BOK: variants seen among roughly 807,000 people sequenced by gnomAD.
BOK encodes BCL2 family apoptosis regulator BOK.
A neutral mutation model predicts 18.3 loss-of-function variants in BOK; 20 were observed. That is an observed-to-expected ratio of 1.09 (90% CI 0.77 to 1.59). The LOEUF (loss-of-function observed/expected upper bound fraction) is 1.59, where lower values mean the gene tolerates loss of function less well. Ranked by LOEUF, BOK falls within the 40% of genes most tolerant of loss-of-function variation. The pLI is 0.00. For synonymous variants in BOK, 173 were observed against 142.4 expected, an observed-to-expected ratio of 1.21 and a Z score of -1.53; for missense variants, 348 against 307.9, an observed-to-expected ratio of 1.13 and a Z score of -0.97.
At chr2:241,570,027 G>T (rs567506451) in intron 3 of BOK, 98 bp from the exon 4 acceptor site, 2 of 1,405,614 alleles carry the variant, frequency 1.4e-6, no homozygotes, top group South Asian at 1.4e-5. Flanking sequence ...TTAGCTGGAC[G>T]GCAAGCAGGA....
rs1000052399 is a variant in BOK, at chr2:241,562,743, C to T, written c.349+267C>T. Among the ~76,000 whole-genome samples the T allele has an allele frequency of 2.6e-5, 4 of 152,186 alleles. No individual in the cohort carries two copies. The highest frequency in any genetic ancestry group is 9.7e-5 in the African/African-American group (4 of 41,426). ...TTCTTGATTGGTTGTAGTTGTGGTC[C>T]AGCATCCGTGGGGCCGCGTGACCTG... On this transcript the variant is annotated intron_variant, in intron 3 of 4. Coordinates refer to ENST00000318407, the MANE Select transcript of BOK (RefSeq NM_032515.5). The surrounding 1 kb of genome is among the most constrained non-coding windows in gnomAD (Gnocchi z 4.5).
At chr2:241,566,302 C>CTT (rs369940899) in intron 3 of BOK, among the ~76,000 whole-genome samples, 11,464 of 140,974 alleles carry the variant, frequency 0.081, 923 homozygotes, top group African/African-American at 0.2. Flanking sequence ...TTTCTTTTTT[C>CTT]TTTTTTTTTT....
At chr2:241,552,562 C>T (rs1008622463) in intron 1 of BOK, among the ~76,000 whole-genome samples, 5 of 152,216 alleles carry the variant, frequency 3.3e-5, no homozygotes, top group Admixed American at 1.3e-4. Flanking sequence ...CCCACCTATG[C>T]CTGAGGCTGC....
chr2:241,571,680 C>T (rs759171142), intron 4 of BOK, among the ~76,000 whole-genome samples: 5 of 152,218 alleles, frequency 3.3e-5, no homozygotes, highest in African/African-American at 4.8e-5. Context: ...CTTTGAGCAA[C>T]GCCAAGGCCA....
chr2:241,565,316 G>A (rs561876986), intron 3 of BOK, among the ~76,000 whole-genome samples: 1 of 151,832 alleles, frequency 6.6e-6, no homozygotes, highest in Admixed American at 6.6e-5. Context: ...TGAAGCCCAA[G>A]AGCCTCGTGA....
rs759186943 is a variant in BOK at position 241,570,131 on chromosome 2, C to T, written c.356C>T (p.Thr119Met). 34 of 1,611,044 alleles carry T rather than the reference C, an allele frequency of 2.1e-5. No homozygotes were observed. Among genetic ancestry groups the T allele is most frequent in the African/African-American group, 2.7e-5 (2 of 74,816 alleles). The change falls in exon 4 of 5, where the codon ACG becomes ATG. Residue 119 changes from threonine (T) to methionine (M), a missense_variant. Physicochemically the swap from Thr to Met is moderately conservative, Grantham distance 81. Transcript: ENST00000318407. ...VAGHIFSAGI[T>M]WGKVVSLYAV... ...ACCATCTCTCTCCCTGCAGGCATCA[C>T]GTGGGGCAAGGTGGTGTCCCTGTAT...
At chr2:241,568,121 T>C (rs2066644344) in intron 3 of BOK, among the ~76,000 whole-genome samples, 1 of 152,164 alleles carries the variant, frequency 6.6e-6, no homozygotes, top group South Asian at 2.1e-4. Context: ...CCATGCCTTC[T>C]TTTATTTATT....
rs560761261 is a variant in BOK at position 241,560,244 on chromosome 2, G to T, written c.220+541G>T. On this transcript the variant is annotated intron_variant, in intron 2 of 4. Coordinates refer to ENST00000318407, the MANE Select transcript of BOK (RefSeq NM_032515.5). ...TTCTGGGGTCACACACGGTCCACTG[G>T]CTGCCCCCACCGTCTCCAAGGTCTG... The T allele has an allele frequency of 4.5e-5, 44 of 985,446 alleles. No homozygotes were observed. The African/African-American group carries it at 7.3e-4, about 16-fold the overall frequency. The allele number at this position is 985,446 out of a possible 1,614,324, so 61.0% of individuals were successfully genotyped here. A position where few individuals can be genotyped will look rare whatever the true frequency, so the allele number is the denominator to read the frequency against.
At chr2:241,571,931 T>TG (rs937336794) in intron 4 of BOK, among the ~76,000 whole-genome samples, 4 of 152,154 alleles carry the variant, frequency 2.6e-5, no homozygotes, top group African/African-American at 9.7e-5. Flanking sequence ...CTGTAGCCCC[T>TG]GGGGGGCAGC....
intron 2 of BOK, chr2:241,559,930 A>G (rs1212543745): frequency 3.3e-6 from 2 of 600,964 alleles, no homozygotes; most frequent in East Asian, 2.8e-4. Flanking sequence ...GATTTCAGTC[A>G]TGCTGGCCAT....
chr2:241,552,175 G>A (rs2066418751), intron 1 of BOK, among the ~76,000 whole-genome samples: 1 of 152,112 alleles, frequency 6.6e-6, no homozygotes, highest in Non-Finnish European at 1.5e-5. Context: ...CGAGAGGTGT[G>A]GCCCACCCAC....
rs2066756508 is a variant in BOK at position 241,573,535 on chromosome 2, T to C, written c.*1113T>C. 3 of 152,528 alleles carry C rather than the reference T, an allele frequency of 2.0e-5. No individual in the cohort carries two copies. The South Asian group carries it at 6.2e-4, about 32-fold the overall frequency. The allele number at this position is 152,528 out of a possible 1,614,324, so 9.4% of individuals were successfully genotyped here. A position where few individuals can be genotyped will look rare whatever the true frequency, so the allele number is the denominator to read the frequency against. ...TCACATGCTGGTTGCTTAATCCGTT[T>C]CTGGAGGAAGAGTATGACACCCACT... On this transcript the variant is annotated 3_prime_UTR_variant, in exon 5 of 5. Transcript: ENST00000318407.
Position 241,559,614 on chromosome 2 carries a change from T to C in BOK, c.131T>C (p.Leu44Pro). 1 of 1,476,064 alleles carries C rather than the reference T, an allele frequency of 6.8e-7. No homozygotes were observed. The highest frequency in any genetic ancestry group is 8.9e-7 in the Non-Finnish European group (1 of 1,120,278). 91.4% of individuals were successfully genotyped at this position (1,476,064 alleles called of 1,614,324 possible). Residue 44 changes from leucine (L) to proline (P), a missense_variant, in exon 2 of 5, where the codon CTG becomes CCG. Transcript: ENST00000318407. ...CGGGAGTACGTGCACGCGCGGCTGCTGCGCGCCGGCCTCTCCTGGAGCGCG... is the reference window on the plus strand; with the variant it reads ...CGGGAGTACGTGCACGCGCGGCTGCCGCGCGCCGGCCTCTCCTGGAGCGCG... ...LGREYVHARL[L>P]RAGLSWSAPE...
rs2066761944 is a variant in BOK at position 241,573,874 on chromosome 2, C to T, written c.*1452C>T. 1 of 152,274 alleles carries T rather than the reference C, an allele frequency of 6.6e-6. No individual in the cohort carries two copies. The highest frequency in any genetic ancestry group is 1.5e-5 in the Non-Finnish European group (1 of 68,076). The allele number at this position is 152,274 out of a possible 1,614,324, so 9.4% of individuals were successfully genotyped here. A position where few individuals can be genotyped will look rare whatever the true frequency, so the allele number is the denominator to read the frequency against. ...ACATGTGAGGCATCTTTCCTGGAGC[C>T]CCGAGCCAGCCCTGTCCCTCCCCAG... On this transcript the variant is annotated 3_prime_UTR_variant, in exon 5 of 5. Transcript: ENST00000318407.
At chr2:241,557,489 C>T (rs114606940), upstream of BOK, among the ~76,000 whole-genome samples, 24,555 of 151,642 alleles carry the variant, frequency 0.16, 2,658 homozygotes, top group Non-Finnish European at 0.24. Flanking sequence ...TTTTGTATCT[C>T]TAGTAGAGAC....
Position 241,559,546 on chromosome 2 carries a change from G to T in BOK, c.63G>T (p.Ser21=). The T allele has an allele frequency of 6.6e-7, 1 of 1,526,246 alleles. No individual in the cohort carries two copies. Among genetic ancestry groups the T allele is most frequent in the Non-Finnish European group, 8.7e-7 (1 of 1,145,934 alleles). The allele number at this position is 1,526,246 out of a possible 1,614,324, so 94.5% of individuals were successfully genotyped here. The stretch of plus-strand genomic sequence containing the variant: ...AGATCATGGACGCCTTTGACCGCTC[G>T]CCCACAGACAAGGAGCTGGTGGCCC... The part of the protein sequence containing the change: ...AAEIMDAFDR[S]PTDKELVAQA... The change falls in exon 2 of 5, where the codon TCG becomes TCT. Residue 21 remains serine (S), a synonymous_variant. Transcript: ENST00000318407.
chr2:241,562,584 C>A lies in BOK; in HGVS notation c.349+108C>A. 1 of 1,379,818 alleles carries A rather than the reference C, an allele frequency of 7.2e-7. No homozygotes were observed. The highest frequency in any genetic ancestry group is 9.6e-7 in the Non-Finnish European group (1 of 1,044,158). 85.5% of individuals were successfully genotyped at this position (1,379,818 alleles called of 1,614,324 possible). On this transcript the variant is annotated intron_variant, in intron 3 of 4. Coordinates refer to ENST00000318407, the MANE Select transcript of BOK (RefSeq NM_032515.5). This position sits in a 1 kb window ranked among gnomAD's most constrained non-coding sequence, Gnocchi z 4.5. ...GGCCCCCACCCATCCTGGCGCTGCC[C>A]AGTGCCCACCGGTGCCATCTCACTG... is the stretch of plus-strand genomic sequence containing the variant.
At chr2:241,568,207 G>A (rs539016106) in intron 3 of BOK, among the ~76,000 whole-genome samples, 23 of 152,098 alleles carry the variant, frequency 1.5e-4, no homozygotes, top group Non-Finnish European at 1.9e-4. Flanking sequence ...TGCAAGCTCC[G>A]CCTCCTGGGT....
intron 3 of BOK, among the ~76,000 whole-genome samples, chr2:241,565,626 T>TGCCCA (rs534970763): frequency 6.6e-6 from 1 of 152,294 alleles, no homozygotes; most frequent in African/African-American, 2.4e-5. Flanking sequence ...GTGTGCGCCC[T>TGCCCA]GCCCAGCCCC....
Sources: allele counts gnomAD v4.1 joint callset (sites outside exome capture counted in the v4.1 genomes callset), GRCh38; gene constraint gnomAD v4.1.1; non-coding constraint Gnocchi (gnomAD v3.1); transcripts MANE v1.5; gene names NCBI Gene and HGNC (gene_info 2026-07-23, HGNC 2026-07-21).